SPTAN1: variants seen among roughly 807,000 people sequenced by gnomAD.
SPTAN1 encodes spectrin alpha, non-erythrocytic 1.
A neutral mutation model predicts 331.3 loss-of-function variants in SPTAN1; 61 were observed. That is an observed-to-expected ratio of 0.18 (90% CI 0.15 to 0.23). The LOEUF (loss-of-function observed/expected upper bound fraction) is 0.23, where lower values mean the gene tolerates loss of function less well. Among genes scored for constraint, SPTAN1 ranks in the 10% least tolerant of loss-of-function variants. SPTAN1 has a pLI of 1.00. For synonymous variants in SPTAN1, 1,153 were observed against 1,173.9 expected (o/e 0.98, Z 0.36); for missense variants, 2,043 against 3,147.9 (o/e 0.65, Z 8.40).
chr9:128,563,931 CCCGGCCT>C (rs1416029012), intron 1 of SPTAN1, among the ~76,000 whole-genome samples: 12 of 151,996 alleles, frequency 7.9e-5, no homozygotes, highest in African/African-American at 2.7e-4. Context: ...AGCCATGGCG[CCCGGCCT>C]ATTCAACCAA....
At chr9:128,569,737 T>A (rs892409200) in intron 3 of SPTAN1, among the ~76,000 whole-genome samples, 1 of 152,058 alleles carries the variant, frequency 6.6e-6, no homozygotes. Flanking sequence ...AGCTGCACCC[T>A]TAAGCCCCAG....
rs1859502945 is a variant in SPTAN1 at position 128,630,380 on chromosome 9, G to A, written c.6762+5G>A. 1 of 1,612,058 alleles carries A rather than the reference G, an allele frequency of 6.2e-7. No homozygotes were observed. Among genetic ancestry groups the A allele is most frequent in the Non-Finnish European group, 8.5e-7 (1 of 1,179,980 alleles). On this transcript the variant is annotated splice_donor_5th_base_variant and intron_variant, in intron 52 of 56. Coordinates refer to ENST00000372739, the MANE Select transcript of SPTAN1 (RefSeq NM_001130438.3). Reference sequence around the variant, plus strand: ...TCCCAGCTTGAAGCTACCAAAGTAAGTGCCCGTGGGGCTCTGGCCCAGCAG... The same window carrying A: ...TCCCAGCTTGAAGCTACCAAAGTAAATGCCCGTGGGGCTCTGGCCCAGCAG...
intron 21 of SPTAN1, 117 bp downstream of exon 21, chr9:128,589,060 A>G (rs1564239985): frequency 6.2e-6 from 9 of 1,442,212 alleles, no homozygotes; most frequent in Admixed American, 2.0e-5. Flanking sequence ...ATTCAAAGAC[A>G]TGAGTTTCCT....
intron 9 of SPTAN1, 76 bp downstream of exon 9, chr9:128,578,321 G>A (rs1851538085): frequency 6.3e-7 from 1 of 1,580,104 alleles, no homozygotes; most frequent in Non-Finnish European, 8.6e-7. Flanking sequence ...GTTGGGTGAG[G>A]CCTATAGTCG....
intron 24 of SPTAN1, among the ~76,000 whole-genome samples, chr9:128,595,451 G>A (rs2131380035): frequency 6.6e-6 from 1 of 152,136 alleles, no homozygotes; most frequent in East Asian, 1.9e-4. Flanking sequence ...AACCTTTTTG[G>A]ACAAATTTAG....
chr9:128,633,091 A>G, intron 56 of SPTAN1, 118 bp from the exon 57 acceptor site: 1 of 1,594,444 alleles, frequency 6.3e-7, no homozygotes, highest in Non-Finnish European at 8.5e-7. Flanking sequence ...GTATGGACAG[A>G]AGTCCCGGAT....
Position 128,583,227 on chromosome 9 carries a change from A to T in SPTAN1, c.1957A>T (p.Met653Leu), listed in dbSNP as rs191761343. ...HYAKDEVAAR[M>L]NEVISLWKKL... ...TGCCAAGGATGAAGTGGCAGCTCGT[A>T]TGAATGAGGTGATCAGTTTGTGGAA... The change falls in exon 15 of 57, where the codon ATG (methionine) becomes TTG (leucine). Residue 653 changes from methionine (M) to leucine (L), a missense_variant. Met to Leu is a conservative substitution (Grantham distance 15, BLOSUM62 2). This residue lies in a region of SPTAN1 where 1,038 missense variants were observed against 1,531.5 expected (regional missense o/e 0.68). Coordinates refer to ENST00000372739, the MANE Select transcript of SPTAN1 (RefSeq NM_001130438.3). 15 of 1,613,970 alleles carry T rather than the reference A, an allele frequency of 9.3e-6. No homozygotes were observed. The East Asian group carries it at 3.3e-4, about 36-fold the overall frequency.
At chr9:128,622,331 C>T (rs528020478) in intron 45 of SPTAN1, among the ~76,000 whole-genome samples, 36 of 132,554 alleles carry the variant, frequency 2.7e-4, no homozygotes, top group Non-Finnish European at 4.6e-4. Context: ...CGGAGTTTCG[C>T]TCTTGTTGCC....
At chr9:128,592,851 C>T in intron 22 of SPTAN1, 132 bp from the exon 23 acceptor site, 1 of 824,872 alleles carries the variant, frequency 1.2e-6, no homozygotes, top group Non-Finnish European at 2.1e-6. Flanking sequence ...CTCCTTAGAC[C>T]TGTTGAATAA....
intron 1 of SPTAN1, among the ~76,000 whole-genome samples, chr9:128,566,379 T>G (rs936994788): frequency 3.3e-5 from 5 of 152,122 alleles, no homozygotes; most frequent in Admixed American, 1.3e-4. Flanking sequence ...CTGAATGGAC[T>G]TAGCAGTGAT....
chr9:128,616,350 C>T (rs147331091), intron 41 of SPTAN1, among the ~76,000 whole-genome samples: 1,839 of 151,722 alleles, frequency 0.012, 30 homozygotes, highest in Non-Finnish European at 0.019. Flanking sequence ...GCTGACCTCA[C>T]CTGACCTCAA....
chr9:128,577,561 C>T lies in SPTAN1; in HGVS notation c.1085+55C>T. The T allele has an allele frequency of 1.2e-6, 2 of 1,607,696 alleles. No homozygotes were observed. Among genetic ancestry groups the T allele is most frequent in the Non-Finnish European group, 1.7e-6 (2 of 1,177,078 alleles). On this transcript the variant is annotated intron_variant, in intron 8 of 56. Transcript: ENST00000372739. This position sits in a 1 kb window ranked among gnomAD's most constrained non-coding sequence, Gnocchi z 4.2. The stretch of plus-strand genomic sequence containing the variant: ...TATCATTTGGCTTCTTTTTTGGAAG[C>T]AGGAATAGCAGAGTTAAGGGTCTGT...
At chr9:128,578,082 C>T in intron 8 of SPTAN1, 28 bp from the exon 9 acceptor site, 3 of 1,612,248 alleles carry the variant, frequency 1.9e-6, no homozygotes, top group Non-Finnish European at 2.5e-6. Flanking sequence ...CCGCTGGAAA[C>T]ATAATGTCTT....
At chr9:128,611,596 G>A in intron 37 of SPTAN1, 118 bp from the exon 38 acceptor site, 1 of 1,166,142 alleles carries the variant, frequency 8.6e-7, no homozygotes, top group African/African-American at 1.5e-5. Flanking sequence ...TAAAAACGTT[G>A]GCATTTACCC....
At chr9:128,603,222 G>C (rs1018870647) in intron 27 of SPTAN1, among the ~76,000 whole-genome samples, 15 of 151,746 alleles carry the variant, frequency 9.9e-5, no homozygotes, top group Admixed American at 9.2e-4. Flanking sequence ...CTGTAGTATA[G>C]ACAAGAAAAT....
rs77733303 is a variant in SPTAN1, at chr9:128,628,081, G to A, written c.6707+139G>A. 4,744 of 1,035,276 alleles carry A rather than the reference G, an allele frequency of 4.6e-3. 139 individuals carry two copies. In the African/African-American group the frequency reaches 0.064, roughly 14 times the overall value. The allele number at this position is 1,035,276 out of a possible 1,614,324, so 64.1% of individuals were successfully genotyped here. A position where few individuals can be genotyped will look rare whatever the true frequency, so the allele number is the denominator to read the frequency against. ...CTGCACTTCCCCTCCCACCCTTCTC[G>A]TCACCTGATGAGGAGTGTGTGCCTT... On this transcript the variant is annotated intron_variant, in intron 51 of 56. Transcript: ENST00000372739.
chr9:128,598,543 A>ACAGCAAC, intron 25 of SPTAN1, 39 bp downstream of exon 25: 1 of 1,463,490 alleles, frequency 6.8e-7, no homozygotes, highest in Non-Finnish European at 9.5e-7. Context: ...CTGTTGCTGT[A>ACAGCAAC]AGGATGCAGC....
At chr9:128,588,257 A>G (rs1425802637) in intron 20 of SPTAN1, among the ~76,000 whole-genome samples, 1 of 150,964 alleles carries the variant, frequency 6.6e-6, no homozygotes, top group Non-Finnish European at 1.5e-5. Flanking sequence ...TGGCCTCCCA[A>G]AGTGCTGGGA....
chr9:128,559,950 G>T (rs1216146836), intron 1 of SPTAN1, among the ~76,000 whole-genome samples: 1 of 151,822 alleles, frequency 6.6e-6, no homozygotes, highest in Non-Finnish European at 1.5e-5. Context: ...GGCCAGGCTG[G>T]TTTCAAACTC....
Sources: allele counts gnomAD v4.1 joint callset (sites outside exome capture counted in the v4.1 genomes callset), GRCh38; gene constraint gnomAD v4.1.1; regional missense constraint gnomAD v4.1.1; non-coding constraint Gnocchi (gnomAD v3.1); transcripts MANE v1.5; gene names NCBI Gene and HGNC (gene_info 2026-07-23, HGNC 2026-07-21).